Variants in KCNIP1 observed in about 807,000 individuals in gnomAD.
KCNIP1 encodes the protein potassium voltage-gated channel interacting protein 1, also known as A-type potassium channel modulatory protein KCNIP1.
In KCNIP1, 18 loss-of-function variants were observed where a neutral mutation model predicts 33.0. The ratio of observed to expected loss-of-function variants is 0.55; its 90% CI spans 0.38 to 0.81. KCNIP1 has a LOEUF of 0.81. Among genes scored for constraint, KCNIP1 ranks in the 30% least tolerant of loss-of-function variants. The pLI, the probability that KCNIP1 is intolerant of heterozygous loss-of-function variation, is 0.00. For missense variants in KCNIP1, 238 were observed against 271.6 expected (o/e 0.88, Z 0.87); for synonymous variants, 93 against 98.3 (o/e 0.95, Z 0.32).
chr5:170,356,013 G>A (rs886864577), intron 1 of KCNIP1, among the ~76,000 whole-genome samples: 1 of 152,206 alleles, frequency 6.6e-6, no homozygotes, highest in African/African-American at 2.4e-5. Flanking sequence ...TGTTCTACCC[G>A]ATCCAGGTGT....
At chr5:170,413,046 G>A (rs1343380192) in intron 1 of KCNIP1, among the ~76,000 whole-genome samples, 4 of 152,224 alleles carry the variant, frequency 2.6e-5, no homozygotes, top group African/African-American at 4.8e-5. Flanking sequence ...CTAAAGCAGC[G>A]CTGGGCGTAG....
At chr5:170,644,872 T>C (rs1022344550) in intron 1 of KCNIP1, among the ~76,000 whole-genome samples, 4 of 152,230 alleles carry the variant, frequency 2.6e-5, no homozygotes, top group Admixed American at 6.5e-5. Flanking sequence ...AGAGAATCCC[T>C]GGGCCCCAAC....
chr5:170,725,861 T>C (rs929615147), intron 5 of KCNIP1, among the ~76,000 whole-genome samples: 1 of 152,084 alleles, frequency 6.6e-6, no homozygotes, highest in Non-Finnish European at 1.5e-5. Context: ...CACCCATATG[T>C]CAATGCAACA....
chr5:170,512,299 A>G (rs975107508), intron 1 of KCNIP1, among the ~76,000 whole-genome samples: 2 of 152,348 alleles, frequency 1.3e-5, no homozygotes, highest in African/African-American at 4.8e-5. Context: ...CCAGGTGGGC[A>G]AGGAGATCAG....
chr5:170,570,422 C>T (rs186709276), intron 1 of KCNIP1, among the ~76,000 whole-genome samples: 1 of 152,304 alleles, frequency 6.6e-6, no homozygotes, highest in Admixed American at 6.5e-5. Flanking sequence ...CACTTCCCCA[C>T]ATGTTCAAAT....
intron 4 of KCNIP1, among the ~76,000 whole-genome samples, chr5:170,722,169 T>C (rs1763847387): frequency 6.6e-6 from 1 of 152,204 alleles, no homozygotes; most frequent in African/African-American, 2.4e-5. Context: ...GCCCCTGTAC[T>C]TAGGGCTTTG....
chr5:170,386,654 C>T (rs1764485538), intron 1 of KCNIP1, among the ~76,000 whole-genome samples: 1 of 150,148 alleles, frequency 6.7e-6, no homozygotes, highest in Non-Finnish European at 1.5e-5. Context: ...TGCAGGTTGT[C>T]AGGAGAGGCA....
At chr5:170,654,117 A>C (rs567633485) in intron 1 of KCNIP1, among the ~76,000 whole-genome samples, 1 of 152,120 alleles carries the variant, frequency 6.6e-6, no homozygotes, top group South Asian at 2.1e-4. Flanking sequence ...ACCAGTGCCA[A>C]GCCTTGCCCT....
chr5:170,564,997 G>T (rs577178839), intron 1 of KCNIP1, among the ~76,000 whole-genome samples: 80 of 152,168 alleles, frequency 5.3e-4, no homozygotes, highest in African/African-American at 1.8e-3. Flanking sequence ...CAAGTCCTGT[G>T]CCCTTTTAAT....
chr5:170,566,170 C>T (rs1297294156), intron 1 of KCNIP1, among the ~76,000 whole-genome samples: 1 of 151,906 alleles, frequency 6.6e-6, no homozygotes, highest in East Asian at 1.9e-4. Flanking sequence ...AAGCGATTCT[C>T]CCGCCTCAGC....
intron 1 of KCNIP1, among the ~76,000 whole-genome samples, chr5:170,368,648 T>G (rs1393078011): frequency 6.6e-6 from 1 of 152,196 alleles, no homozygotes; most frequent in African/African-American, 2.4e-5. Flanking sequence ...AACATATCAT[T>G]CACTAAATAC....
At chr5:170,410,130 A>T (rs1581165544) in intron 1 of KCNIP1, among the ~76,000 whole-genome samples, 2 of 152,264 alleles carry the variant, frequency 1.3e-5, no homozygotes, top group East Asian at 3.8e-4. Flanking sequence ...ATCCCGTCTC[A>T]TCAGCCTGCC....
intron 1 of KCNIP1, chr5:170,485,746 A>G (rs1461582248): frequency 6.5e-6 from 1 of 152,776 alleles, no homozygotes. Context: ...GGAGGAGAAA[A>G]TAGGGAGCCC....
intron 1 of KCNIP1, among the ~76,000 whole-genome samples, chr5:170,703,068 C>T (rs1763154105): frequency 7.3e-6 from 1 of 137,654 alleles, no homozygotes; most frequent in African/African-American, 2.7e-5. Flanking sequence ...GTTCCATTCT[C>T]GACACACGTG....
intron 1 of KCNIP1, among the ~76,000 whole-genome samples, chr5:170,641,150 C>T (rs919889785): frequency 6.6e-6 from 1 of 152,178 alleles, no homozygotes; most frequent in Non-Finnish European, 1.5e-5. Flanking sequence ...CCTTCATGCT[C>T]GTGGCACTTT....
chr5:170,500,476 A>G (rs574102216), upstream of KCNIP1, among the ~76,000 whole-genome samples: 13 of 151,794 alleles, frequency 8.6e-5, no homozygotes, highest in African/African-American at 2.9e-4. Flanking sequence ...CATGGGAGGG[A>G]CAACAGGACA....
intron 1 of KCNIP1, chr5:170,378,616 A>G (rs1038575025): frequency 7.4e-7 from 1 of 1,354,632 alleles, no homozygotes; most frequent in Non-Finnish European, 1.0e-6. Context: ...GCAGGTGGAG[A>G]AGGCATTGTG....
rs1204404680 is a variant in KCNIP1 at position 170,567,067 on chromosome 5, G to T, written c.61+62434G>T. On this transcript the variant is annotated intron_variant, in intron 1 of 7. Coordinates refer to ENST00000328939, the MANE Select transcript of KCNIP1 (RefSeq NM_014592.4). ...AAATCCCAGTTGTCCCTGACAGTGG[G>T]ATACAGTCAGGGCCTGAAGTGCAGG... Among the ~76,000 whole-genome samples, 4 of 152,204 alleles carry T rather than the reference G, an allele frequency of 2.6e-5. No individual in the cohort carries two copies. The East Asian group carries it at 7.7e-4, about 29-fold the overall frequency.
At chr5:170,470,715 G>A (rs1254677963) in intron 1 of KCNIP1, among the ~76,000 whole-genome samples, 1 of 152,216 alleles carries the variant, frequency 6.6e-6, no homozygotes, top group Non-Finnish European at 1.5e-5. Flanking sequence ...TTGGGAGTGT[G>A]GCAAGTGAAA....
Sources: gnomAD v4.1 joint callset for allele counts (sites outside exome capture counted in the v4.1 genomes callset) on GRCh38, gnomAD v4.1.1 for gene constraint, MANE v1.5 for transcripts, NCBI Gene and HGNC (gene_info 2026-07-23, HGNC 2026-07-21) for gene names.